ST7L: variants seen among roughly 807,000 people sequenced by gnomAD.
ST7L encodes suppressor of tumorigenicity 7 protein-like.
Under a neutral mutation model 72.5 loss-of-function variants are expected in ST7L, and 57 were observed. The ratio of observed to expected loss-of-function variants is 0.79; its 90% CI spans 0.64 to 0.98. The LOEUF (loss-of-function observed/expected upper bound fraction) is 0.98. Ranked by LOEUF, ST7L falls within the 50% of genes least tolerant of loss-of-function variation. The pLI is 0.00. For missense variants in ST7L, 576 were observed against 672.2 expected (o/e 0.86, Z 1.58); for synonymous variants, 221 against 240.9 (o/e 0.92, Z 0.77).
At chr1:112,549,492 AGT>A (rs1463606024) in intron 13 of ST7L, among the ~76,000 whole-genome samples, 1 of 152,142 alleles carries the variant, frequency 6.6e-6, no homozygotes, top group African/African-American at 2.4e-5. Context: ...GCTATATTTT[AGT>A]GTACATGTCT....
intron 14 of ST7L, among the ~76,000 whole-genome samples, chr1:112,530,391 A>T (rs771601123): frequency 2.0e-5 from 3 of 152,132 alleles, no homozygotes; most frequent in Non-Finnish European, 4.4e-5. Context: ...CCTAATTTGT[A>T]TAAACTCAAG....
intron 11 of ST7L, among the ~76,000 whole-genome samples, chr1:112,561,496 T>G (rs1660133995): frequency 6.6e-6 from 1 of 152,094 alleles, no homozygotes; most frequent in South Asian, 2.1e-4. Flanking sequence ...CTTTTTTTTT[T>G]GGAGATGGAA....
downstream of ST7L, among the ~76,000 whole-genome samples, chr1:112,519,655 G>A (rs1024135079): frequency 6.6e-6 from 1 of 152,094 alleles, no homozygotes; most frequent in African/African-American, 2.4e-5. Flanking sequence ...AATAATGCAA[G>A]GGATATTACT....
intron 13 of ST7L, among the ~76,000 whole-genome samples, chr1:112,545,031 T>C (rs1474787608): frequency 6.6e-6 from 1 of 152,192 alleles, no homozygotes; most frequent in Non-Finnish European, 1.5e-5. Context: ...ACTCTGAACT[T>C]ATGAGGTCCA....
At chr1:112,582,819 T>C (rs556572697) in intron 7 of ST7L, among the ~76,000 whole-genome samples, 16 of 152,288 alleles carry the variant, frequency 1.1e-4, no homozygotes, top group African/African-American at 3.8e-4. Context: ...TATAGTAAGA[T>C]ATAACATTAA....
At chr1:112,591,281 A>G (rs1665682885) in intron 6 of ST7L, among the ~76,000 whole-genome samples, 1 of 152,140 alleles carries the variant, frequency 6.6e-6, no homozygotes, top group African/African-American at 2.4e-5. Context: ...ATTCTCCATG[A>G]GCATTCTCCA....
At chr1:112,590,929 CTT>C (rs146691818) in intron 6 of ST7L, among the ~76,000 whole-genome samples, 8 of 128,622 alleles carry the variant, frequency 6.2e-5, no homozygotes, top group Admixed American at 7.8e-5. Flanking sequence ...TTTTAGTACC[CTT>C]TTTTTTTTTT....
rs761424885 is a variant in ST7L, at chr1:112,599,059, C to CAAAAAAAAAA, written c.507-983_507-974dup. On this transcript the variant is annotated intron_variant, in intron 4 of 14. Transcript: ENST00000358039. ...TGGATGACAGAGAGAGACTCAGCCTCAAAAAAAAAAAAAAATATATATATA... is the reference window on the plus strand; with the variant it reads ...TGGATGACAGAGAGAGACTCAGCCTCAAAAAAAAAAAAAAAAAAAAAAAAATATATATATA... 1.3e-3 allele frequency among the ~76,000 whole-genome samples: 7 copies of CAAAAAAAAAA among 5,200 alleles called. 1 individual carries two copies. The highest frequency in any genetic ancestry group is 2.5e-3 in the African/African-American group (4 of 1,620). 3.4% of individuals were successfully genotyped at this position (5,200 alleles called of 152,430 possible).
Position 112,525,015 on chromosome 1 carries a change from G to A in ST7L, c.*998C>T, listed in dbSNP as rs1038491582. On this transcript the variant is annotated 3_prime_UTR_variant, in exon 15 of 15. Coordinates refer to ENST00000358039, the MANE Select transcript of ST7L (RefSeq NM_017744.5). The stretch of plus-strand genomic sequence containing the variant: ...GGTGGTTGGGGGAAGGATGCAGGAA[G>A]GGCATGGTGAGGAGAGATCAGTGGT... 1 of 152,274 alleles carries A rather than the reference G, an allele frequency of 6.6e-6. No homozygotes were observed. The highest frequency in any genetic ancestry group is 2.4e-5 in the African/African-American group (1 of 41,454). The allele number at this position is 152,274 out of a possible 1,614,324, so 9.4% of individuals were successfully genotyped here.
intron 12 of ST7L, 96 bp from the exon 13 acceptor site, chr1:112,550,789 T>C: frequency 1.0e-6 from 1 of 989,094 alleles, no homozygotes; most frequent in African/African-American, 1.6e-5. Context: ...CATACTATTT[T>C]CTTTTTTTAG....
At chr1:112,560,911 C>T (rs892464445) in intron 11 of ST7L, among the ~76,000 whole-genome samples, 6 of 149,990 alleles carry the variant, frequency 4.0e-5, no homozygotes, top group East Asian at 2.0e-4. Context: ...TGCAGTAAGC[C>T]GAGATCGTGC....
chr1:112,591,123 G>A (rs535161527), intron 6 of ST7L, among the ~76,000 whole-genome samples: 2 of 151,940 alleles, frequency 1.3e-5, no homozygotes, highest in African/African-American at 4.8e-5. Flanking sequence ...AGTAGAGACG[G>A]GGTTTCACCG....
At chr1:112,565,190 G>A (rs914374254) in intron 11 of ST7L, among the ~76,000 whole-genome samples, 6 of 139,822 alleles carry the variant, frequency 4.3e-5, no homozygotes, top group African/African-American at 1.6e-4. Context: ...GATTACAGGC[G>A]CCCACCACCA....
intron 2 of ST7L, among the ~76,000 whole-genome samples, chr1:112,616,196 A>G (rs1049030488): frequency 6.6e-6 from 1 of 152,206 alleles, no homozygotes. Context: ...ATTAAACTCT[A>G]TCCATTTCAC....
chr1:112,613,793 T>C (rs1346828004), intron 2 of ST7L, among the ~76,000 whole-genome samples: 1 of 152,150 alleles, frequency 6.6e-6, no homozygotes, highest in Non-Finnish European at 1.5e-5. Context: ...AGTAGCATGA[T>C]CACAGCTCAC....
chr1:112,525,587 C>A lies in ST7L; in HGVS notation c.*426G>T, dbSNP rs1460406604. On this transcript the variant is annotated 3_prime_UTR_variant, in exon 15 of 15. Transcript: ENST00000358039. ...GATGTGCAAATGCAAGGCAAGCATT[C>A]TCCCACTGGCCCCCTAACGGTTAAC... The A allele has an allele frequency of 6.5e-6, 1 of 154,272 alleles. No homozygotes were observed. Among genetic ancestry groups the A allele is most frequent in the East Asian group, 1.9e-4 (1 of 5,306 alleles). 9.6% of individuals were successfully genotyped at this position (154,272 alleles called of 1,614,324 possible). A position where few individuals can be genotyped will look rare whatever the true frequency, so the allele number is the denominator to read the frequency against.
intron 11 of ST7L, among the ~76,000 whole-genome samples, chr1:112,565,651 C>T (rs1426974500): frequency 1.3e-5 from 2 of 152,100 alleles, no homozygotes; most frequent in Admixed American, 6.6e-5. Flanking sequence ...ACAAAGGAAT[C>T]CCCCAAACCT....
At chr1:112,565,196 C>T (rs924518969) in intron 11 of ST7L, among the ~76,000 whole-genome samples, 22 of 147,876 alleles carry the variant, frequency 1.5e-4, no homozygotes, top group Non-Finnish European at 2.8e-4. Context: ...AGGCGCCCAC[C>T]ACCATGTTCG....
At chr1:112,570,831 T>C (rs1661985044) in intron 11 of ST7L, 1 of 446,882 alleles carries the variant, frequency 2.2e-6, no homozygotes, top group Non-Finnish European at 4.5e-6. Context: ...TTAAGTGAGA[T>C]ATTATTCAGG....
Sources: gnomAD v4.1 joint callset for allele counts (sites outside exome capture counted in the v4.1 genomes callset) on GRCh38, gnomAD v4.1.1 for gene constraint, MANE v1.5 for transcripts, NCBI Gene and HGNC (gene_info 2026-07-23, HGNC 2026-07-21) for gene names.